SATB1: variants seen among roughly 807,000 people sequenced by gnomAD.
SATB1 encodes the protein DNA-binding protein SATB1.
A neutral mutation model predicts 86.9 loss-of-function variants in SATB1; 11 were observed. The ratio of observed to expected loss-of-function variants is 0.13; its 90% CI spans 0.08 to 0.21. The LOEUF (loss-of-function observed/expected upper bound fraction) is 0.21, where lower values mean the gene tolerates loss of function less well. Among genes scored for constraint, SATB1 ranks in the 10% least tolerant of loss-of-function variants. The pLI is 1.00. For missense variants in SATB1, 551 were observed against 937.6 expected (o/e 0.59, Z 5.39); for synonymous variants, 357 against 357.2 (o/e 1.00, Z 0.01).
chr3:18,428,778 A>C (rs992994876), upstream of SATB1, among the ~76,000 whole-genome samples: 5 of 152,218 alleles, frequency 3.3e-5, no homozygotes, highest in African/African-American at 1.2e-4. Flanking sequence ...TAAAAACTTA[A>C]TGAAAGGACT....
intron 5 of SATB1, 34 bp downstream of exon 5, chr3:18,415,077 T>C: frequency 1.2e-6 from 2 of 1,610,248 alleles, no homozygotes; most frequent in East Asian, 2.2e-5. Flanking sequence ...TTGCCCATGA[T>C]GTCTTATTAT....
rs11923632 is a variant in SATB1 at position 18,393,318 on chromosome 3, G to A, written c.1206+1144C>T. Among the ~76,000 whole-genome samples, 492 of 145,680 alleles carry A rather than the reference G, an allele frequency of 3.4e-3. 2 individuals are homozygous for A. Among genetic ancestry groups the A allele is most frequent in the African/African-American group, 0.012 (471 of 40,610 alleles). ...TCTAATCAAAGTTACGCGGTTTTTC[G>A]TTTTTGTTTGTTTTTTGGTTTTGTT... On this transcript the variant is annotated intron_variant, in intron 7 of 10. Coordinates refer to ENST00000338745, the MANE Select transcript of SATB1 (RefSeq NM_002971.6).
chr3:18,370,710 T>C (rs1436084834), intron 9 of SATB1, among the ~76,000 whole-genome samples: 1 of 152,120 alleles, frequency 6.6e-6, no homozygotes, highest in Non-Finnish European at 1.5e-5. Context: ...GGGTTTAGCA[T>C]AGGACAGAGT....
rs937619234 is a variant in SATB1 at position 18,417,572 on chromosome 3, T to C, written c.212-494A>G. On this transcript the variant is annotated intron_variant, in intron 2 of 10. Transcript: ENST00000338745. ...CTTCGACCACGAAATTTTCATTTTC[T>C]TCCTTTTTTAGATATTAACTCTAAC... is the stretch of plus-strand genomic sequence containing the variant. 8.5e-5 allele frequency: 55 copies of C among 644,030 alleles called. No homozygotes were observed. In the East Asian group the frequency reaches 1.5e-3, roughly 17 times the overall value. The allele number at this position is 644,030 out of a possible 1,614,324, so 39.9% of individuals were successfully genotyped here. A position where few individuals can be genotyped will look rare whatever the true frequency, so the allele number is the denominator to read the frequency against.
chr3:18,350,496 C>T (rs1246585562), intron 10 of SATB1: 1 of 152,324 alleles, frequency 6.6e-6, no homozygotes, highest in Non-Finnish European at 1.5e-5. Context: ...CATGCACATA[C>T]TGTACACTCG....
chr3:18,360,505 A>G (rs1382681278), intron 9 of SATB1, among the ~76,000 whole-genome samples: 2 of 148,996 alleles, frequency 1.3e-5, no homozygotes, highest in Admixed American at 1.3e-4. Flanking sequence ...ATTCTCTCTA[A>G]TGGGAAAGCC....
upstream of SATB1, among the ~76,000 whole-genome samples, chr3:18,426,796 C>CTTT (rs1363470726): frequency 5.9e-4 from 90 of 152,086 alleles, no homozygotes; most frequent in Non-Finnish European, 1.2e-3. The surrounding 1 kb of genome is among the most constrained non-coding windows in gnomAD (Gnocchi z 4.2). Flanking sequence ...GGGAAATTTG[C>CTTT]AAATTAAGCT....
At position 18,397,160 on chromosome 3, in the gene SATB1, CA is replaced by C; in HGVS notation, c.751+18del. ...ACGTAATGGTATGTAGCCACTGCTG[CA>C]ATGTTTTTTTTGCTTACCCATCATA... On this transcript the variant is annotated intron_variant, in intron 6 of 10. Coordinates refer to ENST00000338745, the MANE Select transcript of SATB1 (RefSeq NM_002971.6). The C allele has an allele frequency of 3.0e-6, 4 of 1,346,566 alleles. No homozygotes were observed. The highest frequency in any genetic ancestry group is 4.3e-6 in the Non-Finnish European group (4 of 936,312). 83.4% of individuals were successfully genotyped at this position (1,346,566 alleles called of 1,614,324 possible). A position where few individuals can be genotyped will look rare whatever the true frequency, so the allele number is the denominator to read the frequency against.
At position 18,387,000 on chromosome 3, in the gene SATB1, T is replaced by C. The variant is rs1334059007; in HGVS notation, c.1207-389A>G. Among the ~76,000 whole-genome samples the C allele has an allele frequency of 6.6e-6, 1 of 152,114 alleles. No individual in the cohort carries two copies. The highest frequency in any genetic ancestry group is 2.4e-5 in the African/African-American group (1 of 41,414). On this transcript the variant is annotated intron_variant, in intron 7 of 10. Transcript: ENST00000338745. The surrounding 1 kb of genome is among the most constrained non-coding windows in gnomAD (Gnocchi z 4.5). ...AGGCAGTGTAATGCCTACAGCCCAA[T>C]ATGTAAAGATACAAAGCCATTTCTA...
Position 18,346,632 on chromosome 3 carries a change from A to G in SATB1, c.*2538T>C, listed in dbSNP as rs73038344. On this transcript the variant is annotated 3_prime_UTR_variant, in exon 11 of 11. Transcript: ENST00000338745. ...TATGTGTGGGCATTTAAAATATCAA[A>G]TTATCAAAACCACGCTGACTTTTAA... The G allele has an allele frequency of 0.094, 14,344 of 151,946 alleles. 920 individuals are homozygous for G. The highest frequency in any genetic ancestry group is 0.14 in the Non-Finnish European group (9,502 of 67,914). The allele number at this position is 151,946 out of a possible 1,614,324, so 9.4% of individuals were successfully genotyped here.
chr3:18,394,570 C>T lies in SATB1; in HGVS notation c.1098G>A (p.Ser366=). 7.4e-6 allele frequency: 12 copies of T among 1,614,082 alleles called. No homozygotes were observed. Among genetic ancestry groups the T allele is most frequent in the African/African-American group, 4.0e-5 (3 of 75,004 alleles). ...TTTCGGAAGACACCTCTGTGTTGGT[C>T]GAAACCTGTTGCTCCAAAGGCTTAT... ...SMNKPLEQQV[S]TNTEVSSEIY... The change falls in exon 7 of 11, where the codon TCG becomes TCA. Residue 366 remains serine, a synonymous_variant. Transcript: ENST00000338745. This position sits in a 1 kb window ranked among gnomAD's most constrained non-coding sequence, Gnocchi z 5.9.
At chr3:18,405,103 C>T (rs1575149238) in intron 5 of SATB1, among the ~76,000 whole-genome samples, 1 of 151,988 alleles carries the variant, frequency 6.6e-6, no homozygotes, top group Non-Finnish European at 1.5e-5. Context: ...CATTGGCATC[C>T]TGCTTATGAT....
Position 18,352,834 on chromosome 3 carries a change from AT to A in SATB1, c.1576-640del. The A allele has an allele frequency of 6.6e-6, 1 of 152,564 alleles. No homozygotes were observed. Among genetic ancestry groups the A allele is most frequent in the Non-Finnish European group, 1.5e-5 (1 of 68,328 alleles). The allele number at this position is 152,564 out of a possible 1,614,324, so 9.5% of individuals were successfully genotyped here. A position where few individuals can be genotyped will look rare whatever the true frequency, so the allele number is the denominator to read the frequency against. On this transcript the variant is annotated intron_variant, in intron 9 of 10. Coordinates refer to ENST00000338745, the MANE Select transcript of SATB1 (RefSeq NM_002971.6). This position sits in a 1 kb window ranked among gnomAD's most constrained non-coding sequence, Gnocchi z 4.1. The stretch of plus-strand genomic sequence containing the variant: ...TTTTTCCGCCTGCTGCAGTGGGAGC[AT>A]ATGATTTGTCAGGCAAGAATTTAAT...
At chr3:18,350,899 A>C (rs758207525) in intron 10 of SATB1, 17 of 244,888 alleles carry the variant, frequency 6.9e-5, no homozygotes, top group Non-Finnish European at 1.2e-4. Flanking sequence ...ATACAAAAAA[A>C]TTGCAGAATG....
chr3:18,431,037 A>G (rs1360256701), intron 2 of SATB1, among the ~76,000 whole-genome samples: 5 of 152,196 alleles, frequency 3.3e-5, no homozygotes, highest in Non-Finnish European at 5.9e-5. Context: ...AAAATCTTTT[A>G]GCTACCTTTC....
chr3:18,386,377 A>G lies in SATB1; in HGVS notation c.1419+22T>C. 6.3e-7 allele frequency: 1 copy of G among 1,585,272 alleles called. No individual in the cohort carries two copies. Among genetic ancestry groups the G allele is most frequent in the Non-Finnish European group, 8.6e-7 (1 of 1,157,418 alleles). ...AAAAAAAAGCTAAACAAAGAAGGGCAAGGAGGAAAAGGAGACCGCACCTGG... is the reference window on the plus strand; with the variant it reads ...AAAAAAAAGCTAAACAAAGAAGGGCGAGGAGGAAAAGGAGACCGCACCTGG... On this transcript the variant is annotated intron_variant, in intron 8 of 10. Transcript: ENST00000338745. The surrounding 1 kb of genome is among the most constrained non-coding windows in gnomAD (Gnocchi z 4.5).
intron 10 of SATB1, 71 bp downstream of exon 10, chr3:18,351,921 C>T (rs577019076): frequency 3.5e-5 from 51 of 1,449,692 alleles, no homozygotes; most frequent in African/African-American, 2.9e-4. Flanking sequence ...GGAAGAGAAA[C>T]GCTAATTTCC....
In SATB1 at chr3:18,351,872, T is replaced by A. The variant is rs181652651; in HGVS notation, c.1779+120A>T. 5.1e-4 allele frequency: 449 copies of A among 888,172 alleles called. 2 individuals carry two copies. Among genetic ancestry groups the A allele is most frequent in the Non-Finnish European group, 7.3e-4 (399 of 546,696 alleles). The allele number at this position is 888,172 out of a possible 1,614,324, so 55.0% of individuals were successfully genotyped here. ...CCCTGAGCAAGATGGCAGTGTATTG[T>A]TATCTCTTGCTAAAAAGCCTATGGT... On this transcript the variant is annotated intron_variant, in intron 10 of 10. Coordinates refer to ENST00000338745, the MANE Select transcript of SATB1 (RefSeq NM_002971.6).
chr3:18,421,095 T>C (rs1575170573), intron 1 of SATB1, 104 bp from the exon 2 acceptor site: 2 of 723,346 alleles, frequency 2.8e-6, no homozygotes, highest in Non-Finnish European at 4.6e-6. Flanking sequence ...TCCACAAATA[T>C]AATGTATTTG....
Sources: allele counts gnomAD v4.1 joint callset (sites outside exome capture counted in the v4.1 genomes callset), GRCh38; gene constraint gnomAD v4.1.1; non-coding constraint Gnocchi (gnomAD v3.1); transcripts MANE v1.5; gene names NCBI Gene and HGNC (gene_info 2026-07-23, HGNC 2026-07-21).